CTNNA2: variants seen among roughly 807,000 people sequenced by gnomAD.
CTNNA2 encodes catenin alpha-2.
Under a neutral mutation model 101.0 loss-of-function variants are expected in CTNNA2, and 42 were observed. That is an observed-to-expected ratio of 0.42 (90% CI 0.32 to 0.54). The LOEUF (loss-of-function observed/expected upper bound fraction) is 0.54. CTNNA2 is among the 20% of genes least tolerant of loss of function. The pLI is 0.14. For synonymous variants in CTNNA2, 450 were observed against 456.4 expected, an observed-to-expected ratio of 0.99 and a Z score of 0.18; for missense variants, 871 against 1,223.1, an observed-to-expected ratio of 0.71 and a Z score of 4.29.
chr2:79,494,268 A>G (rs960040244), intron 4 of CTNNA2, among the ~76,000 whole-genome samples: 1 of 117,066 alleles, frequency 8.5e-6, no homozygotes, highest in Non-Finnish European at 1.8e-5. Context: ...AAAAATTCCC[A>G]GCTGCCCTAT....
intron 7 of CTNNA2, among the ~76,000 whole-genome samples, chr2:80,363,142 A>G (rs923174196): frequency 1.3e-5 from 2 of 152,134 alleles, no homozygotes; most frequent in African/African-American, 2.4e-5. Flanking sequence ...AAATCCTGCA[A>G]GATACATTTT....
intron 7 of CTNNA2, among the ~76,000 whole-genome samples, chr2:80,026,445 G>A (rs1490153919): frequency 1.3e-5 from 2 of 152,156 alleles, no homozygotes; most frequent in African/African-American, 4.8e-5. Context: ...TTTCAGTCTT[G>A]TGAAAATATG....
At chr2:79,343,187 TA>T (rs1477882438) in intron 3 of CTNNA2, among the ~76,000 whole-genome samples, 1 of 152,168 alleles carries the variant, frequency 6.6e-6, no homozygotes, top group Non-Finnish European at 1.5e-5. Flanking sequence ...TAACAGTCAT[TA>T]AAATAATATA....
At chr2:80,080,650 C>T (rs1041728561) in intron 7 of CTNNA2, among the ~76,000 whole-genome samples, 3 of 152,160 alleles carry the variant, frequency 2.0e-5, no homozygotes, top group Non-Finnish European at 2.9e-5. Flanking sequence ...AGCCTGTGTA[C>T]ACATATTTTA....
chr2:80,568,406 C>T (rs957473320), intron 12 of CTNNA2, among the ~76,000 whole-genome samples: 2 of 152,142 alleles, frequency 1.3e-5, no homozygotes, highest in African/African-American at 4.8e-5. Flanking sequence ...CTCTACCCAA[C>T]TGGATAGATT....
In CTNNA2 at chr2:80,555,830, A is replaced by G; in HGVS notation, c.1678A>G (p.Asn560Asp). ...ACACATCATCAATGCTGAGATGGAG[A>G]ACTATGAAGCTGGGGTTTATACTGA... ...VIHIINAEME[N>D]YEAGVYTEKV... The change falls in exon 12 of 19, where the codon AAC becomes GAC. Residue 560 changes from asparagine (N) to aspartate (D), a missense_variant. Coordinates refer to ENST00000402739, the MANE Select transcript of CTNNA2 (RefSeq NM_001282597.3). The G allele has an allele frequency of 6.3e-7, 1 of 1,594,968 alleles. No homozygotes were observed. The highest frequency in any genetic ancestry group is 8.5e-7 in the Non-Finnish European group (1 of 1,171,128).
At chr2:79,935,219 C>T (rs1055679388) in intron 7 of CTNNA2, among the ~76,000 whole-genome samples, 1 of 152,144 alleles carries the variant, frequency 6.6e-6, no homozygotes, top group Non-Finnish European at 1.5e-5. Context: ...GGGAAGAACA[C>T]TATTGTCTTT....
At chr2:80,422,307 C>T (rs923515511) in intron 9 of CTNNA2, among the ~76,000 whole-genome samples, 1 of 152,188 alleles carries the variant, frequency 6.6e-6, no homozygotes, top group African/African-American at 2.4e-5. Flanking sequence ...GGGAAAACCA[C>T]CTCCACGATT....
chr2:79,697,634 C>T (rs2104736928), intron 2 of CTNNA2, among the ~76,000 whole-genome samples: 1 of 152,138 alleles, frequency 6.6e-6, no homozygotes, highest in East Asian at 1.9e-4. Context: ...GGTATAGCCT[C>T]ATTCTCAAAC....
chr2:79,809,933 A>G (rs1297801114), intron 3 of CTNNA2, among the ~76,000 whole-genome samples: 1 of 152,232 alleles, frequency 6.6e-6, no homozygotes, highest in Non-Finnish European at 1.5e-5. Flanking sequence ...AGCACTAAAT[A>G]CGGAAAGGAA....
In CTNNA2 at chr2:79,450,044, G is replaced by A. The variant is rs562769387; in HGVS notation, c.-134-55010G>A. The stretch of plus-strand genomic sequence containing the variant: ...TAGGAGTTTTTAAAATTCCATGAGA[G>A]ATGTCTGAGACCAAACAATTATTAG... On this transcript the variant is annotated intron_variant, in intron 4 of 21. Transcript: ENST00000466387. 2.6e-5 allele frequency among the ~76,000 whole-genome samples: 4 copies of A among 152,066 alleles called. No homozygotes were observed. In the South Asian group the frequency reaches 8.3e-4, roughly 32 times the overall value.
chr2:80,394,997 G>GC (rs1460929012), intron 8 of CTNNA2, among the ~76,000 whole-genome samples: 1 of 151,978 alleles, frequency 6.6e-6, no homozygotes, highest in East Asian at 1.9e-4. Flanking sequence ...TCAAGAACAA[G>GC]CCCCCTCAGC....
At chr2:79,832,260 G>C (rs1310587044) in intron 3 of CTNNA2, among the ~76,000 whole-genome samples, 1 of 152,132 alleles carries the variant, frequency 6.6e-6, no homozygotes, top group Non-Finnish European at 1.5e-5. Flanking sequence ...GTGTTCCATA[G>C]CTATTACCTG....
intron 7 of CTNNA2, among the ~76,000 whole-genome samples, chr2:80,124,972 A>G (rs80311133): frequency 0.014 from 2,115 of 152,288 alleles, 18 homozygotes; most frequent in Non-Finnish European, 0.022. Flanking sequence ...AAGATTTAGC[A>G]TGGCCTATTC....
At chr2:80,475,427 T>G (rs1685650846) in intron 9 of CTNNA2, among the ~76,000 whole-genome samples, 1 of 152,164 alleles carries the variant, frequency 6.6e-6, no homozygotes, top group African/African-American at 2.4e-5. Flanking sequence ...TATTTTTAAT[T>G]TATTAAGAAA....
chr2:79,603,388 G>A (rs1451606106), intron 1 of CTNNA2, among the ~76,000 whole-genome samples: 1 of 152,146 alleles, frequency 6.6e-6, no homozygotes, highest in African/African-American at 2.4e-5. Context: ...GGAAAATGGT[G>A]TATTCAGTTA....
chr2:79,934,333 A>G (rs1368449162), intron 7 of CTNNA2, among the ~76,000 whole-genome samples: 1 of 152,252 alleles, frequency 6.6e-6, no homozygotes, highest in Non-Finnish European at 1.5e-5. Flanking sequence ...CCAATCTAAT[A>G]ATATCAGCAA....
chr2:80,175,311 A>G (rs1267601769), intron 7 of CTNNA2, among the ~76,000 whole-genome samples: 1 of 152,128 alleles, frequency 6.6e-6, no homozygotes, highest in Non-Finnish European at 1.5e-5. Flanking sequence ...TTCAGAGTCA[A>G]ATGTTATATT....
chr2:79,973,668 CA>C (rs556804514), intron 7 of CTNNA2, among the ~76,000 whole-genome samples: 93 of 152,236 alleles, frequency 6.1e-4, no homozygotes, highest in Admixed American at 9.8e-4. Flanking sequence ...TTGCAATGGA[CA>C]ACCTGTGGCA....
Sources: allele counts gnomAD v4.1 joint callset (sites outside exome capture counted in the v4.1 genomes callset), GRCh38; gene constraint gnomAD v4.1.1; transcripts MANE v1.5; gene names NCBI Gene and HGNC (gene_info 2026-07-23, HGNC 2026-07-21).